STAG1: variants seen among roughly 807,000 people sequenced by gnomAD.
STAG1 encodes cohesin subunit SA-1.
Under a neutral mutation model 170.9 loss-of-function variants are expected in STAG1, and 26 were observed. That is an observed-to-expected ratio of 0.15 (90% CI 0.11 to 0.21). The LOEUF is 0.21. Ranked by LOEUF, STAG1 falls within the 10% of genes least tolerant of loss-of-function variation. STAG1 has a pLI of 1.00. For missense variants in STAG1, 964 were observed against 1,509.5 expected (o/e 0.64, Z 5.99); for synonymous variants, 514 against 497.7 (o/e 1.03, Z -0.44).
At chr3:136,519,452 T>TA (rs1458287867) in intron 7 of STAG1, among the ~76,000 whole-genome samples, 1 of 152,070 alleles carries the variant, frequency 6.6e-6, no homozygotes. Flanking sequence ...ACCCAGATAA[T>TA]AACTTCTGCA....
chr3:136,598,527 C>T (rs1340896847), intron 4 of STAG1, among the ~76,000 whole-genome samples: 3 of 151,704 alleles, frequency 2.0e-5, no homozygotes, highest in Non-Finnish European at 2.9e-5. Context: ...CCCGGGTTCA[C>T]GCCATTCTCC....
chr3:136,390,322 T>C (rs182214477), intron 22 of STAG1, among the ~76,000 whole-genome samples: 1 of 152,344 alleles, frequency 6.6e-6, no homozygotes, highest in Admixed American at 6.5e-5. Context: ...GGGTTGAATA[T>C]AATTTTGGAG....
chr3:136,633,710 A>AGGGG (rs71157394), intron 1 of STAG1, among the ~76,000 whole-genome samples: 1 of 44,808 alleles, frequency 2.2e-5, no homozygotes, highest in African/African-American at 8.5e-5. Flanking sequence ...TCAAAAAAAA[A>AGGGG]GGGGGGGGGG....
chr3:136,717,752 C>T (rs952223005), intron 1 of STAG1, among the ~76,000 whole-genome samples: 1 of 151,992 alleles, frequency 6.6e-6, no homozygotes, highest in Non-Finnish European at 1.5e-5. Flanking sequence ...CCAGTGAGAT[C>T]CATAATCCAA....
chr3:136,371,673 C>A (rs1035410674), intron 23 of STAG1, among the ~76,000 whole-genome samples: 11 of 151,938 alleles, frequency 7.2e-5, no homozygotes, highest in South Asian at 2.1e-4. Flanking sequence ...TGTAGATATG[C>A]GGCATTATTT....
At position 136,452,116 on chromosome 3, in the gene STAG1, C is replaced by T; in HGVS notation, c.1345G>A (p.Glu449Lys). 1 of 1,613,280 alleles carries T rather than the reference C, an allele frequency of 6.2e-7. No homozygotes were observed. ...CTTCCCCTCCTCTTTGCTAATGCTT[C>T]TTCTGCTTGTGGGTCATGTCTGCTA... is the stretch of plus-strand genomic sequence containing the variant. ...LFSRHDPQAE[E>K]ALAKRRGRNS... The change falls in exon 14 of 34, where the codon GAA becomes AAA. Residue 449 changes from glutamate to lysine, a missense_variant. By Grantham distance (56) the Glu-to-Lys change is moderately conservative. This residue lies in a region of STAG1 where 162 missense variants were observed against 211.2 expected (regional missense o/e 0.77). Coordinates refer to ENST00000383202, the MANE Select transcript of STAG1 (RefSeq NM_005862.3).
chr3:136,703,016 T>C (rs1943126053), intron 1 of STAG1, among the ~76,000 whole-genome samples: 1 of 142,536 alleles, frequency 7.0e-6, no homozygotes, highest in South Asian at 2.2e-4. Flanking sequence ...TGCAGTGAGC[T>C]GATATTGCGC....
chr3:136,438,240 CTTT>C (rs371190637), intron 15 of STAG1, among the ~76,000 whole-genome samples: 5 of 128,202 alleles, frequency 3.9e-5, no homozygotes, highest in Admixed American at 8.7e-5. Flanking sequence ...AGTTTCTTTT[CTTT>C]TTTTTTTTTT....
At chr3:136,514,910 C>T (rs1934271942) in intron 7 of STAG1, among the ~76,000 whole-genome samples, 1 of 150,914 alleles carries the variant, frequency 6.6e-6, no homozygotes, top group Admixed American at 6.6e-5. Context: ...CAGGGCCTGT[C>T]GTGGGGTGGG....
At chr3:136,344,739 G>A (rs1486633970) in intron 29 of STAG1, among the ~76,000 whole-genome samples, 1 of 151,710 alleles carries the variant, frequency 6.6e-6, no homozygotes, top group Non-Finnish European at 1.5e-5. Context: ...TCAGTGTCTC[G>A]AGTAGCTGGG....
intron 1 of STAG1, among the ~76,000 whole-genome samples, chr3:136,644,987 C>A (rs1940950221): frequency 6.6e-6 from 1 of 152,180 alleles, no homozygotes; most frequent in South Asian, 2.1e-4. Flanking sequence ...ACCTCGATCT[C>A]CCGAAGTGCT....
intron 1 of STAG1, among the ~76,000 whole-genome samples, chr3:136,688,902 T>C (rs1942628381): frequency 6.6e-6 from 1 of 152,222 alleles, no homozygotes; most frequent in Non-Finnish European, 1.5e-5. Flanking sequence ...AAAAAAGCTG[T>C]TAGGTTTCCA....
intron 9 of STAG1, among the ~76,000 whole-genome samples, chr3:136,493,491 C>T (rs2090158796): frequency 6.6e-6 from 1 of 151,618 alleles, no homozygotes; most frequent in Non-Finnish European, 1.5e-5. Context: ...CCTGACTCTA[C>T]AAAAATAACA....
At chr3:136,656,820 C>T (rs1364511921) in intron 1 of STAG1, among the ~76,000 whole-genome samples, 4 of 151,724 alleles carry the variant, frequency 2.6e-5, no homozygotes, top group African/African-American at 7.3e-5. Context: ...GTAATTTACA[C>T]GTCAAAAAAA....
At chr3:136,642,544 G>T (rs1310329368) in intron 1 of STAG1, among the ~76,000 whole-genome samples, 1 of 152,130 alleles carries the variant, frequency 6.6e-6, no homozygotes, top group Non-Finnish European at 1.5e-5. Context: ...GGGATCACAA[G>T]CGTGAGCCAC....
chr3:136,720,972 G>A (rs548139367), intron 1 of STAG1, among the ~76,000 whole-genome samples: 1 of 152,172 alleles, frequency 6.6e-6, no homozygotes, highest in African/African-American at 2.4e-5. Context: ...AAGTGACGCA[G>A]AGAGGTAAAA....
intron 6 of STAG1, among the ~76,000 whole-genome samples, chr3:136,522,978 T>C (rs892845836): frequency 7.2e-5 from 11 of 152,304 alleles, no homozygotes; most frequent in South Asian, 2.1e-4. Flanking sequence ...TTGATGGACA[T>C]GTGGGTTGGT....
intron 14 of STAG1, among the ~76,000 whole-genome samples, chr3:136,444,825 A>G (rs975870834): frequency 7.2e-5 from 11 of 151,986 alleles, no homozygotes; most frequent in African/African-American, 1.7e-4. Context: ...TTTCCTCCTC[A>G]TTCCTAACTC....
intron 1 of STAG1, among the ~76,000 whole-genome samples, chr3:136,692,478 T>A (rs1445843827): frequency 6.6e-6 from 1 of 151,704 alleles, no homozygotes; most frequent in African/African-American, 2.4e-5. Context: ...CTACTAAAAG[T>A]ACAAAAATTA....
Sources: gnomAD v4.1 joint callset for allele counts (sites outside exome capture counted in the v4.1 genomes callset) on GRCh38, gnomAD v4.1.1 for gene constraint, gnomAD v4.1.1 regional missense constraint, MANE v1.5 for transcripts, NCBI Gene and HGNC (gene_info 2026-07-23, HGNC 2026-07-21) for gene names.